The following FMN1 variants were observed in gnomAD, a reference collection of about 807,000 sequenced individuals.
FMN1 encodes formin-1.
A neutral mutation model predicts 132.4 loss-of-function variants in FMN1; 110 were observed. The observed-to-expected ratio is 0.83, with a 90% confidence interval of 0.71 to 0.97. FMN1 has a LOEUF of 0.97. Among genes scored for constraint, FMN1 ranks in the 50% least tolerant of loss-of-function variants. The pLI is 0.00. For missense variants in FMN1, 1,792 were observed against 1,705.3 expected (o/e 1.05, Z -0.90); for synonymous variants, 722 against 651.7 (o/e 1.11, Z -1.64).
intron 9 of FMN1, among the ~76,000 whole-genome samples, chr15:32,954,860 G>T (rs142134046): frequency 6.6e-6 from 1 of 152,218 alleles, no homozygotes; most frequent in African/African-American, 2.4e-5. Flanking sequence ...ACAAAAATTA[G>T]CCAGGCATGG....
intron 9 of FMN1, among the ~76,000 whole-genome samples, chr15:32,950,550 G>C (rs1433002158): frequency 6.6e-6 from 1 of 152,156 alleles, no homozygotes; most frequent in Non-Finnish European, 1.5e-5. Context: ...CACATGGATG[G>C]AGCTGGGGGC....
chr15:33,130,045 CACCTCGTGATCCACCTG>C (rs1379188157), intron 4 of FMN1, among the ~76,000 whole-genome samples: 2 of 151,984 alleles, frequency 1.3e-5, no homozygotes, highest in African/African-American at 2.4e-5. Context: ...CTTGGTGATC[CACCTCGTGATCCACCTG>C]ACCTCGTGAT....
rs755970078 is a variant in FMN1, at chr15:33,067,165, G to A, written c.2044-2091C>T. ...GGTTTGTTACTGCAGGTAGGTCTTGGGACCCTTCTTCTCCCACCTGGTCCT... is the reference window on the plus strand; with the variant it reads ...GGTTTGTTACTGCAGGTAGGTCTTGAGACCCTTCTTCTCCCACCTGGTCCT... On this transcript the variant is annotated intron_variant, in intron 5 of 20. Transcript: ENST00000616417. The A allele has an allele frequency of 3.0e-5, 49 of 1,613,710 alleles. No homozygotes were observed. The Admixed American group carries it at 5.2e-4, about 17-fold the overall frequency.
At chr15:32,819,039 G>C (rs1241866082) in intron 17 of FMN1, among the ~76,000 whole-genome samples, 2 of 152,104 alleles carry the variant, frequency 1.3e-5, no homozygotes, top group Non-Finnish European at 2.9e-5. Flanking sequence ...TGAAGCTGAA[G>C]TCATTCCTTG....
At chr15:33,095,653 A>G (rs976802411) in intron 4 of FMN1, among the ~76,000 whole-genome samples, 2 of 152,140 alleles carry the variant, frequency 1.3e-5, no homozygotes, top group African/African-American at 2.4e-5. Flanking sequence ...GATTACAGGC[A>G]TAAGTCATTG....
chr15:33,147,264 C>T (rs1964264431), intron 4 of FMN1, among the ~76,000 whole-genome samples: 1 of 152,132 alleles, frequency 6.6e-6, no homozygotes, highest in African/African-American at 2.4e-5. Flanking sequence ...CAATTACAAC[C>T]CGAAAAGGTT....
intron 3 of FMN1, among the ~76,000 whole-genome samples, chr15:33,176,441 G>T (rs1470738465): frequency 6.9e-6 from 1 of 144,816 alleles, no homozygotes; most frequent in Non-Finnish European, 1.5e-5. Context: ...GGGAGGCAAA[G>T]GTTGCAGTGA....
chr15:33,080,743 C>T (rs1360713435), intron 5 of FMN1, among the ~76,000 whole-genome samples: 4 of 152,100 alleles, frequency 2.6e-5, no homozygotes, highest in Admixed American at 6.5e-5. Context: ...TAAAATTAGC[C>T]GGGCATGGTG....
intron 4 of FMN1, chr15:33,106,117 T>G (rs1451739286): frequency 6.6e-6 from 1 of 152,106 alleles, no homozygotes; most frequent in African/African-American, 2.4e-5. Context: ...CTGAATCTTA[T>G]AAATGGCAGA....
At chr15:32,841,954 T>A (rs1359459961) in intron 17 of FMN1, among the ~76,000 whole-genome samples, 1 of 152,208 alleles carries the variant, frequency 6.6e-6, no homozygotes, top group Non-Finnish European at 1.5e-5. Context: ...GACACAAATC[T>A]GAGGAACGAT....
intron 9 of FMN1, among the ~76,000 whole-genome samples, chr15:32,959,052 A>G (rs1310549003): frequency 1.3e-5 from 2 of 151,956 alleles, no homozygotes; most frequent in Non-Finnish European, 2.9e-5. Context: ...TCAAAAAAAA[A>G]AAAAAAAAAA....
At chr15:33,062,494 C>T (rs374600307) in intron 6 of FMN1, among the ~76,000 whole-genome samples, 15 of 152,082 alleles carry the variant, frequency 9.9e-5, no homozygotes, top group African/African-American at 3.1e-4. Flanking sequence ...TGGTGGCGGG[C>T]GCCTGTAGTC....
intron 5 of FMN1, among the ~76,000 whole-genome samples, chr15:33,085,278 T>C (rs1427458436): frequency 6.6e-6 from 1 of 152,076 alleles, no homozygotes; most frequent in African/African-American, 2.4e-5. Flanking sequence ...GTAGAATCCT[T>C]TCAGATAGAA....
chr15:32,910,123 T>C (rs2060521312), intron 11 of FMN1, among the ~76,000 whole-genome samples: 1 of 152,208 alleles, frequency 6.6e-6, no homozygotes, highest in Non-Finnish European at 1.5e-5. Flanking sequence ...GTATTAGCAG[T>C]CCCATTCTTC....
At chr15:33,143,243 T>A (rs984612174) in intron 4 of FMN1, among the ~76,000 whole-genome samples, 3 of 152,168 alleles carry the variant, frequency 2.0e-5, no homozygotes, top group African/African-American at 7.2e-5. Context: ...AAAAAAAGCA[T>A]TTTCTAGCAA....
intron 6 of FMN1, among the ~76,000 whole-genome samples, chr15:33,026,696 T>C (rs1397163676): frequency 6.6e-6 from 1 of 152,178 alleles, no homozygotes; most frequent in African/African-American, 2.4e-5. Flanking sequence ...TATTTAAAGC[T>C]GACAAAATGA....
At chr15:32,976,558 G>C (rs1272748974) in intron 7 of FMN1, among the ~76,000 whole-genome samples, 2 of 152,054 alleles carry the variant, frequency 1.3e-5, no homozygotes, top group East Asian at 1.9e-4. Context: ...AACAAAAGCT[G>C]GTTTTAATTA....
At chr15:33,108,269 A>G (rs576927913) in intron 4 of FMN1, among the ~76,000 whole-genome samples, 1 of 152,208 alleles carries the variant, frequency 6.6e-6, no homozygotes, top group Non-Finnish European at 1.5e-5. Context: ...TCAATCAGAC[A>G]ACTAAACACT....
intron 19 of FMN1, among the ~76,000 whole-genome samples, chr15:32,795,010 A>G (rs1395070894): frequency 1.3e-5 from 2 of 152,200 alleles, no homozygotes; most frequent in African/African-American, 4.8e-5. Flanking sequence ...AGCCTGGGCA[A>G]CATAGTGAGA....
Sources: gnomAD v4.1 joint callset for allele counts (sites outside exome capture counted in the v4.1 genomes callset) on GRCh38, gnomAD v4.1.1 for gene constraint, MANE v1.5 for transcripts, NCBI Gene and HGNC (gene_info 2026-07-23, HGNC 2026-07-21) for gene names.